The following FAM3A variants were observed in gnomAD, a reference collection of about 807,000 sequenced individuals.
The protein encoded by FAM3A is FAM3 metabolism regulating signaling molecule A.
A neutral mutation model predicts 18.1 loss-of-function variants in FAM3A; 5 were observed. The ratio of observed to expected loss-of-function variants is 0.28; its 90% CI spans 0.14 to 0.58. FAM3A has a LOEUF of 0.58. Among genes scored for constraint, FAM3A ranks in the 20% least tolerant of loss-of-function variants. The pLI is 0.91. For synonymous variants in FAM3A, 108 were observed against 90.2 expected (o/e 1.20, Z -1.12); for missense variants, 154 against 216.6 (o/e 0.71, Z 1.81).
Position 154,515,853 on chromosome X carries a change from T to A in FAM3A, c.-81A>T, listed in dbSNP as rs2070168090. 3.7e-6 allele frequency: 4 copies of A among 1,068,985 alleles called. No individual in the cohort carries two copies. In the African/African-American group the frequency reaches 7.4e-5, roughly 20 times the overall value. 88.1% of individuals were successfully genotyped at this position (1,068,985 alleles called of 1,213,427 possible). A position where few individuals can be genotyped will look rare whatever the true frequency, so the allele number is the denominator to read the frequency against. On this transcript the variant is annotated 5_prime_UTR_variant, in exon 1 of 9. Coordinates refer to ENST00000447601, the MANE Select transcript of FAM3A (RefSeq NM_021806.4). ...GCGGAAGGACAGGTTTGGGTGGGGG[T>A]CAGGGGCAAGCCTGTGCGGGACCCC... is the stretch of plus-strand genomic sequence containing the variant.
intron 1 of FAM3A, 22 bp downstream of exon 1, chrX:154,515,738 G>A: frequency 8.3e-7 from 1 of 1,210,145 alleles, no homozygotes; most frequent in Non-Finnish European, 1.1e-6. Context: ...ACTCCCTCCC[G>A]TTCGCTGTGG....
chrX:154,507,753 G>A (rs2148292452), intron 6 of FAM3A, 58 bp downstream of exon 6: 2 of 1,069,745 alleles, frequency 1.9e-6, no homozygotes, highest in Non-Finnish European at 2.6e-6. Flanking sequence ...TGTCTCAGGG[G>A]AAGCTGCCCA....
chrX:154,507,621 G>T, intron 6 of FAM3A, 131 bp from the exon 7 acceptor site: 4 of 842,766 alleles, frequency 4.7e-6, no homozygotes, highest in Non-Finnish European at 5.1e-6. Context: ...GGACAGGCTG[G>T]TGTAGGAAGC....
rs782486535 is a variant in FAM3A at position 154,508,589 on chromosome X, C to A, written c.160G>T (p.Ala54Ser). The change falls in exon 4 of 9, where the codon GCC becomes TCC. Residue 54 changes from alanine (A) to serine (S), a missense_variant. Ala to Ser is a moderately conservative substitution (Grantham distance 99). This residue lies in a region of FAM3A where 112 missense variants were observed against 160.0 expected (regional missense o/e 0.70). Transcript: ENST00000447601. ...PESSVTAAPR[A>S]RKYKCGLPQP... ...GGCAGGCCACACTTGTACTTCCTGG[C>A]CCGTGGCGCTGGGCAGGGATAGCAG... 1.7e-5 allele frequency: 20 copies of A among 1,189,569 alleles called. No individual in the cohort carries two copies. The highest frequency in any genetic ancestry group is 2.3e-5 in the Non-Finnish European group (20 of 884,370).
intron 3 of FAM3A, 66 bp downstream of exon 3, chrX:154,511,782 C>T: frequency 9.1e-7 from 1 of 1,096,032 alleles, no homozygotes; most frequent in Non-Finnish European, 1.3e-6. Flanking sequence ...AACCGAAGCC[C>T]TACGGGACCG....
rs782309768 is a variant in FAM3A at position 154,514,400 on chromosome X, T to TG, written c.13+1359dup. The stretch of plus-strand genomic sequence containing the variant: ...CTGGGATTACAGGCGCGCACCACCG[T>TG]GCCTGGCTAATTTTTTTTTTTGAGA... On this transcript the variant is annotated intron_variant, in intron 1 of 8. Coordinates refer to ENST00000447601, the MANE Select transcript of FAM3A (RefSeq NM_021806.4). Among the ~76,000 whole-genome samples, 72 of 103,015 alleles carry TG rather than the reference T, an allele frequency of 7.0e-4. No homozygotes were observed. The Admixed American group carries it at 7.3e-3, about 10-fold the overall frequency. 89.5% of individuals were successfully genotyped at this position (103,015 alleles called of 115,157 possible). A position where few individuals can be genotyped will look rare whatever the true frequency, so the allele number is the denominator to read the frequency against.
intron 1 of FAM3A, 66 bp downstream of exon 1, chrX:154,515,694 G>C: frequency 8.6e-7 from 1 of 1,159,958 alleles, no homozygotes; most frequent in African/African-American, 1.8e-5. Context: ...CACAGATGTC[G>C]CGACGCTGGG....
At chrX:154,511,911 C>T (rs1052431673) in intron 2 of FAM3A, 40 bp from the exon 3 acceptor site, 11 of 1,177,807 alleles carry the variant, frequency 9.3e-6, no homozygotes, top group East Asian at 6.0e-5. Flanking sequence ...TGGAGCCTCC[C>T]GGGGCCTGCG....
At position 154,507,478 on chromosome X, in the gene FAM3A, A is replaced by G; in HGVS notation, c.398T>C (p.Leu133Pro). 1 of 1,210,066 alleles carries G rather than the reference A, an allele frequency of 8.3e-7. No homozygotes were observed. The highest frequency in any genetic ancestry group is 1.1e-6 in the Non-Finnish European group (1 of 895,033). Reference protein sequence around the residue: ...FDMWAGDVNDLLKFIRPLHEG... With the variant: ...FDMWAGDVNDPLKFIRPLHEG... ...GTGCAGTGGCCGAATAAACTTCAAC[A>G]GGTCGTTGACATCTGGGGGGGCAGG... The change falls in exon 7 of 9, where the codon CTG becomes CCG. Residue 133 changes from leucine (L) to proline (P), a missense_variant. By Grantham distance (98) the Leu-to-Pro change is moderately conservative (BLOSUM62 -3). Transcript: ENST00000447601.
intron 3 of FAM3A, chrX:154,508,919 G>C (rs1438326058): frequency 2.8e-6 from 1 of 354,587 alleles, no homozygotes; most frequent in African/African-American, 2.6e-5. Flanking sequence ...GCATGGATGA[G>C]GCCAACCTGA....
chrX:154,507,138 G>T, intron 8 of FAM3A, 65 bp downstream of exon 8: 1 of 1,150,882 alleles, frequency 8.7e-7, no homozygotes, highest in Non-Finnish European at 1.2e-6. Flanking sequence ...GGGGAGGCTC[G>T]TCGCATGCAG....
At position 154,506,715 on chromosome X, in the gene FAM3A, C is replaced by G. The variant is rs973904722; in HGVS notation, c.*96G>C. On this transcript the variant is annotated 3_prime_UTR_variant, in exon 9 of 9. Coordinates refer to ENST00000447601, the MANE Select transcript of FAM3A (RefSeq NM_021806.4). ...GTTGGGGCCAGGGAGCGCTCCTGCC[C>G]GGGTGTGGGGTGTGAGCCTCAGCCT... The G allele has an allele frequency of 1.0e-5, 7 of 686,636 alleles. No individual in the cohort carries two copies. In the South Asian group the frequency reaches 1.7e-4, roughly 17 times the overall value. 56.6% of individuals were successfully genotyped at this position (686,636 alleles called of 1,213,427 possible).
chrX:154,515,867 G>A lies in FAM3A; in HGVS notation c.-95C>T. 1 of 988,888 alleles carries A rather than the reference G, an allele frequency of 1.0e-6. No individual in the cohort carries two copies. The highest frequency in any genetic ancestry group is 1.4e-6 in the Non-Finnish European group (1 of 699,494). The allele number at this position is 988,888 out of a possible 1,213,427, so 81.5% of individuals were successfully genotyped here. ...TTGGGTGGGGGTCAGGGGCAAGCCT[G>A]TGCGGGACCCCTGCTGGGGGCGGGC... On this transcript the variant is annotated 5_prime_UTR_variant, in exon 1 of 9. Coordinates refer to ENST00000447601, the MANE Select transcript of FAM3A (RefSeq NM_021806.4).
At chrX:154,511,530 T>C in intron 3 of FAM3A, 1 of 272,855 alleles carries the variant, frequency 3.7e-6, no homozygotes, top group South Asian at 9.5e-5. Context: ...CCACAGAGGA[T>C]TCCCCTCAGG....
In FAM3A at chrX:154,507,137, C is replaced by T. The variant is rs781849500; in HGVS notation, c.597+66G>A. ...TGGGGCGTGAGCAGCTGGGGAGGCT[C>T]GTCGCATGCAGGCAGAAGGGGCGAC... On this transcript the variant is annotated intron_variant, in intron 8 of 8. Coordinates refer to ENST00000447601, the MANE Select transcript of FAM3A (RefSeq NM_021806.4). 36 of 1,146,392 alleles carry T rather than the reference C, an allele frequency of 3.1e-5. 1 individual carries two copies. In the South Asian group the frequency reaches 5.4e-4, roughly 17 times the overall value. The allele number at this position is 1,146,392 out of a possible 1,213,427, so 94.5% of individuals were successfully genotyped here.
At chrX:154,513,557 G>A (rs967866613) in intron 1 of FAM3A, among the ~76,000 whole-genome samples, 6 of 111,007 alleles carry the variant, frequency 5.4e-5, no homozygotes, top group Non-Finnish European at 1.1e-4. Flanking sequence ...TTGAACCTGG[G>A]TGGCGGAGGT....
intron 1 of FAM3A, among the ~76,000 whole-genome samples, chrX:154,514,601 T>G (rs1190683614): frequency 2.7e-5 from 3 of 110,272 alleles, no homozygotes; most frequent in Non-Finnish European, 3.8e-5. Context: ...AGACGGGGTT[T>G]CACCATGTTA....
chrX:154,515,664 T>C, intron 1 of FAM3A, 96 bp downstream of exon 1: 1 of 994,081 alleles, frequency 1.0e-6, no homozygotes, highest in Non-Finnish European at 1.4e-6. Context: ...AACCCAGTGG[T>C]TCACCCGGGC....
intron 1 of FAM3A, among the ~76,000 whole-genome samples, chrX:154,514,700 G>A (rs1226541886): frequency 1.8e-5 from 2 of 110,936 alleles, no homozygotes; most frequent in Non-Finnish European, 3.8e-5. Flanking sequence ...CACCGCACCC[G>A]GCCATGCCTG....
Sources: gnomAD v4.1 joint callset for allele counts (sites outside exome capture counted in the v4.1 genomes callset) on GRCh38, gnomAD v4.1.1 for gene constraint, gnomAD v4.1.1 regional missense constraint, MANE v1.5 for transcripts, NCBI Gene and HGNC (gene_info 2026-07-23, HGNC 2026-07-21) for gene names.